PRMT5: variants seen among roughly 807,000 people sequenced by gnomAD.
PRMT5 encodes protein arginine N-methyltransferase 5.
PRMT5 carries 15 observed loss-of-function variants against 84.0 expected under a neutral mutation model. That is an observed-to-expected ratio of 0.18 (90% CI 0.12 to 0.28). The LOEUF is 0.28. Ranked by LOEUF, PRMT5 falls within the 10% of genes least tolerant of loss-of-function variation. The pLI is 1.00. For synonymous variants in PRMT5, 276 were observed against 292.4 expected (o/e 0.94, Z 0.57); for missense variants, 486 against 808.0 (o/e 0.60, Z 4.83).
chr14:22,922,349 C>G, intron 15 of PRMT5, 94 bp downstream of exon 15: 2 of 1,406,450 alleles, frequency 1.4e-6, no homozygotes, highest in Non-Finnish European at 2.0e-6. Context: ...TCATTGAGCA[C>G]TGGGCCCCCC....
chr14:22,927,553 G>A lies in PRMT5; in HGVS notation c.423C>T (p.His141=), dbSNP rs769051407. 1 of 1,614,094 alleles carries A rather than the reference G, an allele frequency of 6.2e-7. No homozygotes were observed. Among genetic ancestry groups the A allele is most frequent in the South Asian group, 1.1e-5 (1 of 91,080 alleles). ...NTNLARVLTN[H]IHTGHHSSMF... ...TGGAAGAGTGATGGCCAGTGTGGATGTGGTTGGTCAAAACTCTGGCCAGGT... is the reference window on the plus strand; with the variant it reads ...TGGAAGAGTGATGGCCAGTGTGGATATGGTTGGTCAAAACTCTGGCCAGGT... The change falls in exon 4 of 17, where the codon CAC becomes CAT. Residue 141 remains histidine (H), a synonymous_variant. Coordinates refer to ENST00000324366, the MANE Select transcript of PRMT5 (RefSeq NM_006109.5).
In PRMT5 at chr14:22,924,513, G is replaced by A. The variant is rs1397689827; in HGVS notation, c.1042C>T (p.Arg348Ter). The change falls in exon 10 of 17, where the codon CGA becomes TGA. Residue 348 changes from arginine (R) to a stop codon, truncating the protein, a stop_gained. Transcript: ENST00000324366. LOFTEE classifies it high-confidence loss of function. This position sits in a 1 kb window ranked among gnomAD's most constrained non-coding sequence, Gnocchi z 6.5. ...QQAIYKCLLD[R>*]VPEEEKDTNV... ...GTATCCTTCTCCTCTTCTGGTACTC[G>A]GTCTAGCAGACATTTATAGATGGCC... 4 of 1,613,912 alleles carry A rather than the reference G, an allele frequency of 2.5e-6. No individual in the cohort carries two copies. Among genetic ancestry groups the A allele is most frequent in the African/African-American group, 1.3e-5 (1 of 74,894 alleles).
At chr14:22,925,888 G>A (rs546189199) in intron 7 of PRMT5, among the ~76,000 whole-genome samples, 2 of 152,224 alleles carry the variant, frequency 1.3e-5, no homozygotes, top group Admixed American at 1.3e-4. Flanking sequence ...CAGCCTCATG[G>A]ATCCTTGCTG....
rs1295782489 is a variant in PRMT5 at position 22,924,858 on chromosome 14, C to CT, written c.939+20dup. ...ACATTTTCCATCCCACCTTCCTCCTCTAAGTGCACTCCAGACCCACCTGAA... is the reference window on the plus strand; with the variant it reads ...ACATTTTCCATCCCACCTTCCTCCTCTTAAGTGCACTCCAGACCCACCTGAA... On this transcript the variant is annotated intron_variant, in intron 8 of 16. Coordinates refer to ENST00000324366, the MANE Select transcript of PRMT5 (RefSeq NM_006109.5). This position sits in a 1 kb window ranked among gnomAD's most constrained non-coding sequence, Gnocchi z 6.5. The CT allele has an allele frequency of 2.5e-6, 4 of 1,610,660 alleles. No individual in the cohort carries two copies. The Admixed American group carries it at 6.7e-5, about 27-fold the overall frequency.
intron 6 of PRMT5, 52 bp downstream of exon 6, chr14:22,926,454 T>C (rs1192504646): frequency 3.1e-6 from 5 of 1,603,804 alleles, no homozygotes; most frequent in Non-Finnish European, 4.3e-6. Flanking sequence ...CTGATTCTTA[T>C]TCACAGGAGG....
In PRMT5 at chr14:22,926,572, A is replaced by C. The variant is rs764639298; in HGVS notation, c.564-17T>G. On this transcript the variant is annotated splice_polypyrimidine_tract_variant and intron_variant, in intron 5 of 16. Coordinates refer to ENST00000324366, the MANE Select transcript of PRMT5 (RefSeq NM_006109.5). ...TTGTGCCACCTGTTCAGTCAAATAC[A>C]GAAAAGTACAGTAAACTAGATATGG... 2 of 1,613,978 alleles carry C rather than the reference A, an allele frequency of 1.2e-6. No homozygotes were observed. The highest frequency in any genetic ancestry group is 2.7e-5 in the African/African-American group (2 of 74,900).
chr14:22,926,454 T>G, intron 6 of PRMT5, 52 bp downstream of exon 6: 1 of 1,603,922 alleles, frequency 6.2e-7, no homozygotes, highest in Non-Finnish European at 8.5e-7. Flanking sequence ...CTGATTCTTA[T>G]TCACAGGAGG....
rs201479952 is a variant in PRMT5, at chr14:22,929,339, C to T, written c.23G>A (p.Gly8Asp). Residue 8 changes from glycine to aspartate, a missense_variant, in exon 1 of 17, where the codon GGT becomes GAT. Coordinates refer to ENST00000324366, the MANE Select transcript of PRMT5 (RefSeq NM_006109.5). MAAMAVG[G>D]AGGSRVSSGR... Reference sequence around the variant, plus strand: ...GCTGGACACGCGGCTCCCACCAGCACCCCCGACCGCCATCGCCGCCATCTT... The same window carrying T: ...GCTGGACACGCGGCTCCCACCAGCATCCCCGACCGCCATCGCCGCCATCTT... 9 of 1,610,060 alleles carry T rather than the reference C, an allele frequency of 5.6e-6. No individual in the cohort carries two copies. Among genetic ancestry groups the T allele is most frequent in the Non-Finnish European group, 7.6e-6 (9 of 1,178,946 alleles).
chr14:22,929,276 G>A lies in PRMT5; in HGVS notation c.86C>T (p.Thr29Ile), dbSNP rs1364736472. ...DLNCVPEIADTLGAVAKQGFD... is the reference protein window; with the variant it reads ...DLNCVPEIADILGAVAKQGFD... The stretch of plus-strand genomic sequence containing the variant: ...CCCCTGCTTGGCCACAGCCCCTAGT[G>A]TGTCAGCTATTTCGGGGACGCAATT... The change falls in exon 1 of 17, where the codon ACA (threonine) becomes ATA (isoleucine). Residue 29 changes from threonine to isoleucine, a missense_variant. Coordinates refer to ENST00000324366, the MANE Select transcript of PRMT5 (RefSeq NM_006109.5). 1 of 1,613,932 alleles carries A rather than the reference G, an allele frequency of 6.2e-7. No individual in the cohort carries two copies. Among genetic ancestry groups the A allele is most frequent in the Admixed American group, 1.7e-5 (1 of 59,996 alleles).
In PRMT5 at chr14:22,928,656, C is replaced by A; in HGVS notation, c.111-41G>T. ...ACCCAGAATCATGTAAAGACAGCAG[C>A]AGTGCCAGAGAGCCAAGCAACTGGA... On this transcript the variant is annotated intron_variant, in intron 1 of 16. Transcript: ENST00000324366. This position sits in a 1 kb window ranked among gnomAD's most constrained non-coding sequence, Gnocchi z 4.8. 1 of 1,473,784 alleles carries A rather than the reference C, an allele frequency of 6.8e-7. No individual in the cohort carries two copies. The highest frequency in any genetic ancestry group is 1.1e-5 in the South Asian group (1 of 88,140). The allele number at this position is 1,473,784 out of a possible 1,614,324, so 91.3% of individuals were successfully genotyped here.
At position 22,924,012 on chromosome 14, in the gene PRMT5, T is replaced by A; in HGVS notation, c.1371A>T (p.Leu457=). The A allele has an allele frequency of 6.5e-7, 1 of 1,546,452 alleles. No individual in the cohort carries two copies. Among genetic ancestry groups the A allele is most frequent in the Non-Finnish European group, 8.7e-7 (1 of 1,149,116 alleles). The change falls in exon 12 of 17, where the codon CTA becomes CTT. Residue 457 remains leucine, a synonymous_variant. Coordinates refer to ENST00000324366, the MANE Select transcript of PRMT5 (RefSeq NM_006109.5). The surrounding 1 kb of genome is among the most constrained non-coding windows in gnomAD (Gnocchi z 6.5). The part of the protein sequence containing the change: ...PECLDGAQHF[L]KDDGVSIPGE... ...TACACCCCAACCTGGGGGCACCTTT[T>A]AGGAAGTGCTGGGCTCCATCCAGGC...
chr14:22,924,182 G>C lies in PRMT5; in HGVS notation c.1201C>G (p.Leu401Val). Residue 401 changes from leucine (L) to valine (V), a missense_variant and splice_region_variant, in exon 12 of 17, where the codon CTA becomes GTA. Leu to Val is a conservative substitution (Grantham distance 32, BLOSUM62 1). Transcript: ENST00000324366. This position sits in a 1 kb window ranked among gnomAD's most constrained non-coding sequence, Gnocchi z 6.5. ...VEKNPNAVVTLENWQFEEWGS... is the reference protein window; with the variant it reads ...VEKNPNAVVTVENWQFEEWGS... ...CATTCTTCAAACTGCCAGTTCTCTA[G>C]CCTGAAACAGAGACAATAAGGTAAG... The C allele has an allele frequency of 3.7e-6, 6 of 1,610,246 alleles. No individual in the cohort carries two copies. The highest frequency in any genetic ancestry group is 5.1e-6 in the Non-Finnish European group (6 of 1,177,770).
In PRMT5 at chr14:22,928,437, C is replaced by T. The variant is rs2044474970; in HGVS notation, c.229+60G>A. On this transcript the variant is annotated intron_variant, in intron 2 of 16. Transcript: ENST00000324366. The surrounding 1 kb of genome is among the most constrained non-coding windows in gnomAD (Gnocchi z 4.8). ...CAGAAAAGGAGGAGAATGAGGGCCC[C>T]GATAAAGCAGAAGTTGTTATTGCCT... 18 of 1,415,452 alleles carry T rather than the reference C, an allele frequency of 1.3e-5. No individual in the cohort carries two copies. The East Asian group carries it at 2.7e-4, about 22-fold the overall frequency. The allele number at this position is 1,415,452 out of a possible 1,614,324, so 87.7% of individuals were successfully genotyped here. A position where few individuals can be genotyped will look rare whatever the true frequency, so the allele number is the denominator to read the frequency against.
intron 16 of PRMT5, among the ~76,000 whole-genome samples, chr14:22,921,373 A>G (rs1399566976): frequency 6.6e-6 from 1 of 152,228 alleles, no homozygotes; most frequent in Non-Finnish European, 1.5e-5. Flanking sequence ...AAAGAACTCT[A>G]CAGGCAAGAG....
At position 22,922,854 on chromosome 14, in the gene PRMT5, G is replaced by C. The variant is rs1169067805; in HGVS notation, c.1486-19C>G. 1.2e-6 allele frequency: 2 copies of C among 1,607,982 alleles called. No individual in the cohort carries two copies. Among genetic ancestry groups the C allele is most frequent in the African/African-American group, 2.7e-5 (2 of 74,794 alleles). ...ACTGGGCCTGTCAGAGACAGAAAGA[G>C]AGAGAGAGTGTTGGGGAAGACACAC... On this transcript the variant is annotated intron_variant, in intron 13 of 16. Coordinates refer to ENST00000324366, the MANE Select transcript of PRMT5 (RefSeq NM_006109.5).
At chr14:22,929,137 TC>T in intron 1 of PRMT5, 114 bp downstream of exon 1, 1 of 1,613,128 alleles carries the variant, frequency 6.2e-7, no homozygotes, top group South Asian at 1.1e-5. Context: ...TAATAGTCTC[TC>T]CCCTCCTCAT....
intron 6 of PRMT5, 65 bp downstream of exon 6, chr14:22,926,441 T>G: frequency 6.3e-7 from 1 of 1,598,244 alleles, no homozygotes; most frequent in East Asian, 2.2e-5. Flanking sequence ...ATATATGAAA[T>G]TCCTGATTCT....
intron 7 of PRMT5, among the ~76,000 whole-genome samples, chr14:22,925,870 C>T (rs2044408067): frequency 6.6e-6 from 1 of 151,826 alleles, no homozygotes; most frequent in African/African-American, 2.4e-5. Context: ...AAAGTATCAA[C>T]ACCCAAACAG....
chr14:22,925,151 CT>C (rs374875840), intron 7 of PRMT5, 111 bp from the exon 8 acceptor site: 25,264 of 859,152 alleles, frequency 0.029, no homozygotes, highest in Middle Eastern at 0.031. Flanking sequence ...CAACAGTTCT[CT>C]TTTTTTTTTT....
Sources: allele counts gnomAD v4.1 joint callset (sites outside exome capture counted in the v4.1 genomes callset), GRCh38; gene constraint gnomAD v4.1.1; non-coding constraint Gnocchi (gnomAD v3.1); transcripts MANE v1.5; gene names NCBI Gene and HGNC (gene_info 2026-07-23, HGNC 2026-07-21).